Variants in ATG4D observed in about 807,000 individuals in gnomAD.
ATG4D encodes the protein autophagy related 4D cysteine peptidase.
Under a neutral mutation model 55.2 loss-of-function variants are expected in ATG4D, and 51 were observed. The observed-to-expected ratio is 0.92, with a 90% confidence interval of 0.74 to 1.17. The LOEUF (loss-of-function observed/expected upper bound fraction) is 1.17, where lower values mean the gene tolerates loss of function less well. Ranked by LOEUF, ATG4D falls within the 50% of genes most tolerant of loss-of-function variation. The pLI, the probability that ATG4D is intolerant of heterozygous loss-of-function variation, is 0.00. For synonymous variants in ATG4D, 268 were observed against 266.2 expected, an observed-to-expected ratio of 1.01 and a Z score of -0.07; for missense variants, 635 against 649.6, an observed-to-expected ratio of 0.98 and a Z score of 0.25.
intron 6 of ATG4D, among the ~76,000 whole-genome samples, chr19:10,550,164 C>T (rs533220344): frequency 4.1e-4 from 62 of 152,202 alleles, no homozygotes; most frequent in African/African-American, 1.4e-3. Context: ...TATGCCACCA[C>T]GCCCGGCTAA....
chr19:10,553,029 G>A lies in ATG4D; in HGVS notation c.1387G>A (p.Ala463Thr), dbSNP rs1047539484. Residue 463 changes from alanine to threonine, a missense_variant, in exon 10 of 10, where the codon GCC (alanine) becomes ACC (threonine). Physicochemically the swap from Ala to Thr is moderately conservative, Grantham distance 58 (BLOSUM62 0). Coordinates refer to ENST00000309469, the MANE Select transcript of ATG4D (RefSeq NM_032885.6). ...RLPRTGRLLRAKRPSSEDFVF... is the reference protein window; with the variant it reads ...RLPRTGRLLRTKRPSSEDFVF... ...CCCTCGCACAGGGCGGCTCCTCAGGGCCAAACGCCCCAGCTCTGAGGACTT... is the reference window on the plus strand; with the variant it reads ...CCCTCGCACAGGGCGGCTCCTCAGGACCAAACGCCCCAGCTCTGAGGACTT... 6.2e-7 allele frequency: 1 copy of A among 1,611,788 alleles called. No individual in the cohort carries two copies. Among genetic ancestry groups the A allele is most frequent in the South Asian group, 1.1e-5 (1 of 91,074 alleles).
chr19:10,544,049 A>C lies in ATG4D; in HGVS notation c.-42A>C. ...GTCGCCCTTGGGGGGCAGCGGCCGC[A>C]GCCCCCCACCTGGGCCCTCGGTCCG... On this transcript the variant is annotated 5_prime_UTR_variant, in exon 1 of 10. Coordinates refer to ENST00000309469, the MANE Select transcript of ATG4D (RefSeq NM_032885.6). 8.3e-7 allele frequency: 1 copy of C among 1,199,546 alleles called. No homozygotes were observed. The highest frequency in any genetic ancestry group is 1.0e-6 in the Non-Finnish European group (1 of 957,756). The allele number at this position is 1,199,546 out of a possible 1,614,324, so 74.3% of individuals were successfully genotyped here.
Position 10,546,894 on chromosome 19 carries a change from C to A in ATG4D, c.549C>A (p.Ala183=). 1.2e-6 allele frequency: 2 copies of A among 1,608,966 alleles called. No homozygotes were observed. The highest frequency in any genetic ancestry group is 1.3e-5 in the African/African-American group (1 of 75,004). The part of the protein sequence containing the change: ...GLGPPELSGS[A]SPSRYHGPAR... ...GCCCCCCTGAGCTGTCAGGGTCAGC[C>A]TCTCCCAGCCGGTACCATGGGCCTG... The change falls in exon 4 of 10, where the codon GCC becomes GCA. Residue 183 remains alanine, a synonymous_variant. Coordinates refer to ENST00000309469, the MANE Select transcript of ATG4D (RefSeq NM_032885.6).
Position 10,553,312 on chromosome 19 carries a change from C to T in ATG4D, c.*245C>T, listed in dbSNP as rs1856482242. 2.0e-6 allele frequency: 1 copy of T among 504,742 alleles called. No homozygotes were observed. The highest frequency in any genetic ancestry group is 3.5e-6 in the Non-Finnish European group (1 of 284,206). 31.3% of individuals were successfully genotyped at this position (504,742 alleles called of 1,614,324 possible). A position where few individuals can be genotyped will look rare whatever the true frequency, so the allele number is the denominator to read the frequency against. On this transcript the variant is annotated 3_prime_UTR_variant, in exon 10 of 10. Coordinates refer to ENST00000309469, the MANE Select transcript of ATG4D (RefSeq NM_032885.6). ...AGGACCCCGGGCACCCCCCTCAGGG[C>T]CTGACTCACGTACTGTAGTTTGCAC...
Position 10,544,813 on chromosome 19 carries a change from G to A in ATG4D, c.266G>A (p.Ser89Asn), listed in dbSNP as rs200278873. ...GTGGTTAAAAGCCGGACCAGCTTTA[G>A]CAAGATCTCCAGCATCCACCTCTGT... ...GWVVKSRTSF[S>N]KISSIHLCGR... Residue 89 changes from serine (S) to asparagine (N), a missense_variant, in exon 2 of 10, where the codon AGC becomes AAC. Coordinates refer to ENST00000309469, the MANE Select transcript of ATG4D (RefSeq NM_032885.6). The A allele has an allele frequency of 9.9e-4, 1,598 of 1,614,156 alleles. 2 individuals carry two copies. Among genetic ancestry groups the A allele is most frequent in the Non-Finnish European group, 1.2e-3 (1,463 of 1,179,996 alleles).
intron 1 of ATG4D, 92 bp downstream of exon 1, chr19:10,544,417 T>G: frequency 8.5e-7 from 1 of 1,181,458 alleles, no homozygotes; most frequent in Non-Finnish European, 1.1e-6. Flanking sequence ...CTTGTTCCCG[T>G]CCTGAGTCAC....
chr19:10,547,032 A>T lies in ATG4D; in HGVS notation c.687A>T (p.Leu229=). ...ACCACCCCCGGGCCCCCTTTGGCCT[A>T]CACCGGCTGGTGGAGCTTGGGCAGA... ...FADHPRAPFG[L]HRLVELGQSS... Residue 229 remains leucine (L), a synonymous_variant, in exon 4 of 10, where the codon CTA becomes CTT. Transcript: ENST00000309469. The T allele has an allele frequency of 6.3e-7, 1 of 1,587,452 alleles. No individual in the cohort carries two copies. The highest frequency in any genetic ancestry group is 8.6e-7 in the Non-Finnish European group (1 of 1,167,670).
rs1599515719 is a variant in ATG4D at position 10,545,109 on chromosome 19, C to T, written c.472C>T (p.Leu158=). 21 of 1,611,380 alleles carry T rather than the reference C, an allele frequency of 1.3e-5. No homozygotes were observed. Among genetic ancestry groups the T allele is most frequent in the Non-Finnish European group, 1.8e-5 (21 of 1,180,014 alleles). ...SGQMMLAQGL[L]LHFLPRDWTW... ...CCAGATGATGCTGGCACAGGGCCTTCTGCTGCATTTCCTGCCCAGAGGTGA... is the reference window on the plus strand; with the variant it reads ...CCAGATGATGCTGGCACAGGGCCTTTTGCTGCATTTCCTGCCCAGAGGTGA... Residue 158 remains leucine (L), a synonymous_variant, in exon 3 of 10, where the codon CTG becomes TTG. Coordinates refer to ENST00000309469, the MANE Select transcript of ATG4D (RefSeq NM_032885.6).
At chr19:10,548,003 A>ATTTTTTTTTTTTT (rs60924749) in intron 5 of ATG4D, among the ~76,000 whole-genome samples, 2 of 35,000 alleles carry the variant, frequency 5.7e-5, no homozygotes, top group Non-Finnish European at 5.3e-5. Context: ...AGCCCCTGTA[A>ATTTTTTTTTTTTT]TTTTTTTTTT....
chr19:10,548,886 G>A lies in ATG4D; in HGVS notation c.836-18G>A, dbSNP rs1916131469. On this transcript the variant is annotated intron_variant, in intron 5 of 9. Transcript: ENST00000309469. ...AAGGGTGGCAAGAAGGTGACCTGCTGCTGTCCCGTCCCTCCAGTGTACAAG... is the reference window on the plus strand; with the variant it reads ...AAGGGTGGCAAGAAGGTGACCTGCTACTGTCCCGTCCCTCCAGTGTACAAG... The A allele has an allele frequency of 1.2e-6, 2 of 1,610,486 alleles. No individual in the cohort carries two copies. Among genetic ancestry groups the A allele is most frequent in the Non-Finnish European group, 1.7e-6 (2 of 1,177,208 alleles).
chr19:10,545,233 A>G, intron 3 of ATG4D, 103 bp downstream of exon 3: 1 of 1,438,502 alleles, frequency 7.0e-7, no homozygotes, highest in Non-Finnish European at 9.4e-7. Context: ...TCACGTTAGA[A>G]TTGTGTGTCA....
At position 10,551,971 on chromosome 19, in the gene ATG4D, C is replaced by G; in HGVS notation, c.1041C>G (p.Tyr347Ter). Reference protein sequence around the residue: ...KPRHSLYFIGYQDDFLLYLDP... With the variant: ...KPRHSLYFIG Reference sequence around the variant, plus strand: ...GACACTCACTGTACTTCATTGGCTACCAAGGTAGGCCCACCCCCTCCTCAC... The same window carrying G: ...GACACTCACTGTACTTCATTGGCTAGCAAGGTAGGCCCACCCCCTCCTCAC... The change falls in exon 7 of 10, where the codon TAC becomes TAG. Residue 347 changes from tyrosine to a stop codon, truncating the protein, a stop_gained. Coordinates refer to ENST00000309469, the MANE Select transcript of ATG4D (RefSeq NM_032885.6). LOFTEE classifies it high-confidence loss of function. 3.7e-6 allele frequency: 6 copies of G among 1,611,794 alleles called. No individual in the cohort carries two copies. Among genetic ancestry groups the G allele is most frequent in the Non-Finnish European group, 5.1e-6 (6 of 1,179,440 alleles).
chr19:10,546,675 A>G (rs1916038107), intron 3 of ATG4D, among the ~76,000 whole-genome samples, 164 bp from the exon 4 acceptor site: 1 of 152,068 alleles, frequency 6.6e-6, no homozygotes. Flanking sequence ...TTTAAGTAAC[A>G]AAAAATAAAT....
Position 10,553,320 on chromosome 19 carries a change from A to G in ATG4D, c.*253A>G, listed in dbSNP as rs1365633716. ...GGGCACCCCCCTCAGGGCCTGACTC[A>G]CGTACTGTAGTTTGCACTGGACGCC... On this transcript the variant is annotated 3_prime_UTR_variant, in exon 10 of 10. Coordinates refer to ENST00000309469, the MANE Select transcript of ATG4D (RefSeq NM_032885.6). 4.2e-6 allele frequency: 2 copies of G among 481,458 alleles called. No homozygotes were observed. Among genetic ancestry groups the G allele is most frequent in the African/African-American group, 3.8e-5 (2 of 52,060 alleles). The allele number at this position is 481,458 out of a possible 1,614,324, so 29.8% of individuals were successfully genotyped here. A position where few individuals can be genotyped will look rare whatever the true frequency, so the allele number is the denominator to read the frequency against.
chr19:10,552,517 C>T (rs1916303291), intron 9 of ATG4D, among the ~76,000 whole-genome samples, 193 bp downstream of exon 9: 1 of 152,186 alleles, frequency 6.6e-6, no homozygotes, highest in African/African-American at 2.4e-5. Flanking sequence ...AGGCATCATC[C>T]CTTGGAGGCA....
intron 5 of ATG4D, among the ~76,000 whole-genome samples, chr19:10,548,415 T>TA (rs1916119246): frequency 6.6e-6 from 1 of 152,126 alleles, no homozygotes; most frequent in Admixed American, 6.6e-5. Flanking sequence ...AAAATGGGTC[T>TA]AATCTACTTC....
chr19:10,544,026 C>A lies in ATG4D; in HGVS notation c.-65C>A. On this transcript the variant is annotated 5_prime_UTR_variant, in exon 1 of 10. Coordinates refer to ENST00000309469, the MANE Select transcript of ATG4D (RefSeq NM_032885.6). ...CGGGCCCCGTGAACCGGCTGCGGGTCGCCCTTGGGGGGCAGCGGCCGCAGC... is the reference window on the plus strand; with the variant it reads ...CGGGCCCCGTGAACCGGCTGCGGGTAGCCCTTGGGGGGCAGCGGCCGCAGC... 8.9e-7 allele frequency: 1 copy of A among 1,123,974 alleles called. No homozygotes were observed. The highest frequency in any genetic ancestry group is 1.1e-6 in the Non-Finnish European group (1 of 891,996). 69.6% of individuals were successfully genotyped at this position (1,123,974 alleles called of 1,614,324 possible).
chr19:10,546,935 C>T lies in ATG4D; in HGVS notation c.590C>T (p.Pro197Leu), dbSNP rs2144686275. 1 of 1,612,288 alleles carries T rather than the reference C, an allele frequency of 6.2e-7. No individual in the cohort carries two copies. Among genetic ancestry groups the T allele is most frequent in the Non-Finnish European group, 8.5e-7 (1 of 1,179,548 alleles). The change falls in exon 4 of 10, where the codon CCA (proline) becomes CTA (leucine). Residue 197 changes from proline (P) to leucine (L), a missense_variant. Pro to Leu is a moderately conservative substitution (Grantham distance 98). Transcript: ENST00000309469. ...CATGGGCCTGCCCGCTGGATGCCCC[C>T]ACGCTGGGCCCAGGGTGCCCCTGAG... is the stretch of plus-strand genomic sequence containing the variant. ...RYHGPARWMPPRWAQGAPELE... is the reference protein window; with the variant it reads ...RYHGPARWMPLRWAQGAPELE...
Position 10,544,185 on chromosome 19 carries a change from G to A in ATG4D, c.95G>A (p.Arg32Lys). 1 of 1,246,552 alleles carries A rather than the reference G, an allele frequency of 8.0e-7. No individual in the cohort carries two copies. The highest frequency in any genetic ancestry group is 4.1e-5 in the South Asian group (1 of 24,634). The allele number at this position is 1,246,552 out of a possible 1,614,324, so 77.2% of individuals were successfully genotyped here. The change falls in exon 1 of 10, where the codon AGA (arginine) becomes AAA (lysine). Residue 32 changes from arginine (R) to lysine (K), a missense_variant. By Grantham distance (26) the Arg-to-Lys change is conservative. Transcript: ENST00000309469. ...RPEARRPRGP[R>K]GPDPNGLGPS... ...GAGGCCCGCAGGCCGCGGGGTCCCA[G>A]AGGCCCAGACCCCAACGGCCTGGGG...
Sources: allele counts gnomAD v4.1 joint callset (sites outside exome capture counted in the v4.1 genomes callset), GRCh38; gene constraint gnomAD v4.1.1; transcripts MANE v1.5; gene names NCBI Gene and HGNC (gene_info 2026-07-23, HGNC 2026-07-21).